The following USP10 variants were observed in gnomAD, a reference collection of about 807,000 sequenced individuals.
The protein encoded by USP10 is ubiquitin carboxyl-terminal hydrolase 10.
In USP10, 22 loss-of-function variants were observed where a neutral mutation model predicts 84.5. The ratio of observed to expected loss-of-function variants is 0.26; its 90% confidence interval spans 0.19 to 0.37. The LOEUF is 0.37. USP10 is among the 10% of genes least tolerant of loss of function. USP10 has a pLI of 1.00. For synonymous variants in USP10, 454 were observed against 387.6 expected (o/e 1.17, Z -2.01); for missense variants, 1,019 against 998.9 (o/e 1.02, Z -0.27).
chr16:84,713,897 G>T (rs9929430), intron 1 of USP10, among the ~76,000 whole-genome samples: 1 of 152,216 alleles, frequency 6.6e-6, no homozygotes, highest in East Asian at 1.9e-4. Context: ...GGCGTGTGCC[G>T]TGTCGCTGAA....
At chr16:84,756,096 C>A (rs1250725330) in intron 4 of USP10, among the ~76,000 whole-genome samples, 1 of 136,600 alleles carries the variant, frequency 7.3e-6, no homozygotes, top group East Asian at 2.6e-4. Flanking sequence ...CCACCCCCCG[C>A]CCCCCATCTC....
At chr16:84,753,150 T>A (rs1449417443) in intron 4 of USP10, among the ~76,000 whole-genome samples, 1 of 151,994 alleles carries the variant, frequency 6.6e-6, no homozygotes, top group Non-Finnish European at 1.5e-5. Flanking sequence ...TATTTTTTAT[T>A]TTTTATTTTT....
intron 4 of USP10, among the ~76,000 whole-genome samples, chr16:84,757,275 G>C (rs1399901666): frequency 6.6e-6 from 1 of 152,110 alleles, no homozygotes; most frequent in Admixed American, 6.5e-5. Context: ...TAATTAAACA[G>C]ATTCCACAGA....
At chr16:84,713,539 C>G (rs1701866447) in intron 1 of USP10, among the ~76,000 whole-genome samples, 1 of 152,210 alleles carries the variant, frequency 6.6e-6, no homozygotes, top group East Asian at 1.9e-4. Context: ...CCAATGTAAG[C>G]TCCGTGAGGG....
In USP10 at chr16:84,724,800, A is replaced by G. The variant is rs374266546; in HGVS notation, c.22-8635A>G. The stretch of plus-strand genomic sequence containing the variant: ...AGTGTGGATTGTTGATGCTCAGTGC[A>G]TATTGTTAAATTGGCGAACTTCCTG... On this transcript the variant is annotated intron_variant, in intron 1 of 13. Coordinates refer to ENST00000219473, the MANE Select transcript of USP10 (RefSeq NM_005153.3). 3.6e-4 allele frequency among the ~76,000 whole-genome samples: 55 copies of G among 152,264 alleles called. No individual in the cohort carries two copies. The East Asian group carries it at 9.3e-3, about 26-fold the overall frequency.
chr16:84,714,202 A>C (rs957209201), intron 1 of USP10, among the ~76,000 whole-genome samples: 1 of 149,568 alleles, frequency 6.7e-6, no homozygotes, highest in African/African-American at 2.4e-5. Flanking sequence ...GGCAGGCCTT[A>C]GGGTGGCGGG....
intron 1 of USP10, among the ~76,000 whole-genome samples, chr16:84,717,948 C>T (rs770371547): frequency 5.3e-5 from 8 of 152,096 alleles, no homozygotes; most frequent in Non-Finnish European, 1.0e-4. Flanking sequence ...GATTCGTGAT[C>T]ACGTTAGGGT....
At chr16:84,714,998 G>A (rs1169100661) in intron 1 of USP10, among the ~76,000 whole-genome samples, 2 of 150,098 alleles carry the variant, frequency 1.3e-5, no homozygotes, top group African/African-American at 2.5e-5. Context: ...TCGCAGTCTC[G>A]GCTCACTGCA....
chr16:84,719,087 C>T (rs909600127), intron 1 of USP10, among the ~76,000 whole-genome samples: 3 of 152,046 alleles, frequency 2.0e-5, no homozygotes, highest in African/African-American at 4.8e-5. Flanking sequence ...CCACCGCGCC[C>T]GGCCAGTTTA....
At chr16:84,762,124 CTT>C (rs1422507370) in intron 8 of USP10, among the ~76,000 whole-genome samples, 1 of 152,228 alleles carries the variant, frequency 6.6e-6, no homozygotes, top group Non-Finnish European at 1.5e-5. Flanking sequence ...TTATTAAACT[CTT>C]GGGTGACTCG....
chr16:84,714,288 G>T (rs1906707028), intron 1 of USP10, among the ~76,000 whole-genome samples: 1 of 152,158 alleles, frequency 6.6e-6, no homozygotes, highest in African/African-American at 2.4e-5. Context: ...AATGTGGAAT[G>T]ACACTTGTTT....
At chr16:84,763,812 G>C (rs904910435) in intron 9 of USP10, among the ~76,000 whole-genome samples, 29 of 152,188 alleles carry the variant, frequency 1.9e-4, no homozygotes, top group African/African-American at 6.5e-4. Context: ...GGTTGCCGTG[G>C]ATCCAGTGAC....
chr16:84,705,123 C>A (rs116219221), intron 1 of USP10, among the ~76,000 whole-genome samples: 1 of 152,174 alleles, frequency 6.6e-6, no homozygotes, highest in Non-Finnish European at 1.5e-5. Context: ...GGAGGGACAT[C>A]TCCTTAAGCC....
chr16:84,703,017 C>T (rs984082381), intron 1 of USP10, among the ~76,000 whole-genome samples: 9 of 90,298 alleles, frequency 1.0e-4, no homozygotes, highest in African/African-American at 1.5e-4. Context: ...AAAAAAAGAG[C>T]GAAACTCCAT....
rs1240162654 is a variant in USP10 at position 84,745,046 on chromosome 16, G to A, written c.565G>A (p.Val189Ile). The change falls in exon 4 of 14, where the codon GTC (valine) becomes ATC (isoleucine). Residue 189 changes from valine (V) to isoleucine (I), a missense_variant. Around this residue, in one of 2 missense-constraint regions of USP10, gnomAD observed 787 missense variants for 708.8 expected, o/e 1.11. Coordinates refer to ENST00000219473, the MANE Select transcript of USP10 (RefSeq NM_005153.3). ...GHANSAVPNS[V>I]SAEDAEFMGD... ...TGCCAATTCAGCAGTCCCGAACAGT[G>A]TCAGTGCAGAGGATGCAGAATTTAT... 3 of 1,613,636 alleles carry A rather than the reference G, an allele frequency of 1.9e-6. No individual in the cohort carries two copies. The highest frequency in any genetic ancestry group is 1.1e-5 in the South Asian group (1 of 91,078).
chr16:84,729,606 C>T (rs576402233), intron 1 of USP10, among the ~76,000 whole-genome samples: 6 of 152,356 alleles, frequency 3.9e-5, no homozygotes, highest in Admixed American at 3.9e-4. Context: ...TGCAGAGATG[C>T]TCTTAAACCC....
At chr16:84,751,320 G>A (rs1013245043) in intron 4 of USP10, among the ~76,000 whole-genome samples, 8 of 152,172 alleles carry the variant, frequency 5.3e-5, no homozygotes, top group Non-Finnish European at 1.0e-4. Context: ...GCATGGCTGT[G>A]TATCCTAAAA....
chr16:84,717,010 A>G (rs1251579941), intron 1 of USP10, among the ~76,000 whole-genome samples: 1 of 152,232 alleles, frequency 6.6e-6, no homozygotes, highest in African/African-American at 2.4e-5. Flanking sequence ...GAGATAGAGC[A>G]TAGCAGTGCT....
At chr16:84,705,442 A>G (rs1905355002) in intron 1 of USP10, among the ~76,000 whole-genome samples, 1 of 152,024 alleles carries the variant, frequency 6.6e-6, no homozygotes, top group Non-Finnish European at 1.5e-5. Flanking sequence ...CATGTTAGCC[A>G]GGATGGTCTC....
Sources: allele counts gnomAD v4.1 joint callset (sites outside exome capture counted in the v4.1 genomes callset), GRCh38; gene constraint gnomAD v4.1.1; regional missense constraint gnomAD v4.1.1; transcripts MANE v1.5; gene names NCBI Gene and HGNC (gene_info 2026-07-23, HGNC 2026-07-21).